The following CDPF1 variants were observed in gnomAD, a reference collection of about 807,000 sequenced individuals.
CDPF1 encodes cysteine rich DPF motif domain containing 1, also known as cysteine-rich DPF motif domain-containing protein 1.
A neutral mutation model predicts 8.3 loss-of-function variants in CDPF1; 8 were observed. The observed-to-expected ratio is 0.96, with a 90% CI of 0.57 to 1.74. The LOEUF is 1.74. Ranked by LOEUF, CDPF1 falls within the 40% of genes most tolerant of loss-of-function variation. CDPF1 has a pLI of 0.00. For synonymous variants in CDPF1, 62 were observed against 62.9 expected, an observed-to-expected ratio of 0.99 and a Z score of 0.07; for missense variants, 151 against 155.3, an observed-to-expected ratio of 0.97 and a Z score of 0.15.
Position 46,246,766 on chromosome 22 carries a change from C to G in CDPF1, c.225+344G>C. 2 of 1,601,186 alleles carry G rather than the reference C, an allele frequency of 1.2e-6. No homozygotes were observed. Among genetic ancestry groups the G allele is most frequent in the Non-Finnish European group, 8.5e-7 (1 of 1,174,458 alleles). On this transcript the variant is annotated intron_variant, in intron 3 of 3. Coordinates refer to ENST00000314567, the MANE Select transcript of CDPF1 (RefSeq NM_207327.5). The surrounding 1 kb of genome is among the most constrained non-coding windows in gnomAD (Gnocchi z 7.1). ...CAACAAGTGCTCATGAAAGGACAGT[C>G]CCTTCTCCTGGAGATCCCTCCAAGA... is the stretch of plus-strand genomic sequence containing the variant.
Position 46,247,928 on chromosome 22 carries a change from G to A in CDPF1, c.113+244C>T, listed in dbSNP as rs1266157385. Among the ~76,000 whole-genome samples, 1 of 152,232 alleles carries A rather than the reference G, an allele frequency of 6.6e-6. No homozygotes were observed. Among genetic ancestry groups the A allele is most frequent in the African/African-American group, 2.4e-5 (1 of 41,468 alleles). On this transcript the variant is annotated intron_variant, in intron 2 of 3. Coordinates refer to ENST00000314567, the MANE Select transcript of CDPF1 (RefSeq NM_207327.5). This position sits in a 1 kb window ranked among gnomAD's most constrained non-coding sequence, Gnocchi z 4.3. ...GGCCACCACAGGTCCCCCAGCTGCT[G>A]AGCTGCTCCCCCACAGCTAGAGCAG...
In CDPF1 at chr22:46,245,162, A is replaced by C. The variant is rs1351539170; in HGVS notation, c.302T>G (p.Ile101Ser). 6.2e-7 allele frequency: 1 copy of C among 1,614,228 alleles called. No individual in the cohort carries two copies. The highest frequency in any genetic ancestry group is 1.1e-5 in the South Asian group (1 of 91,090). Residue 101 changes from isoleucine (I) to serine (S), a missense_variant, in exon 4 of 4, where the codon ATT (isoleucine) becomes AGT (serine). Coordinates refer to ENST00000314567, the MANE Select transcript of CDPF1 (RefSeq NM_207327.5). The surrounding 1 kb of genome is among the most constrained non-coding windows in gnomAD (Gnocchi z 6.9). ...RENINAFPQE[I>S]RQDLEKRKAP... ...TTTCCTTTTCTCCAAGTCTTGCCGA[A>C]TTTCCTGAGGAAAAGCATTGATGTT...
rs758509215 is a variant in CDPF1 at position 46,249,077 on chromosome 22, G to T, written c.1-793C>A. ...TGCTTGTATGGAACCCCCTTCTCAT[G>T]TTCATGGTTGGGTCTTGGAGGCCTC... On this transcript the variant is annotated intron_variant, in intron 1 of 3. Transcript: ENST00000314567. The surrounding 1 kb of genome is among the most constrained non-coding windows in gnomAD (Gnocchi z 4.6). 4.3e-4 allele frequency among the ~76,000 whole-genome samples: 66 copies of T among 151,732 alleles called. No homozygotes were observed. The highest frequency in any genetic ancestry group is 8.2e-4 in the Non-Finnish European group (56 of 68,020).
chr22:46,247,678 G>C lies in CDPF1; in HGVS notation c.114-457C>G, dbSNP rs2147766668. 6.6e-6 allele frequency among the ~76,000 whole-genome samples: 1 copy of C among 152,266 alleles called. No individual in the cohort carries two copies. Among genetic ancestry groups the C allele is most frequent in the Non-Finnish European group, 1.5e-5 (1 of 68,024 alleles). ...GTGACATGATGACACTCAGGCTCCTGGTCAGCAGAGGGACGACAGCCAGAA... is the reference window on the plus strand; with the variant it reads ...GTGACATGATGACACTCAGGCTCCTCGTCAGCAGAGGGACGACAGCCAGAA... On this transcript the variant is annotated intron_variant, in intron 2 of 3. Coordinates refer to ENST00000314567, the MANE Select transcript of CDPF1 (RefSeq NM_207327.5). The surrounding 1 kb of genome is among the most constrained non-coding windows in gnomAD (Gnocchi z 4.3).
In CDPF1 at chr22:46,245,388, G is replaced by T; in HGVS notation, c.226-150C>A. 1 of 745,114 alleles carries T rather than the reference G, an allele frequency of 1.3e-6. No homozygotes were observed. Among genetic ancestry groups the T allele is most frequent in the Non-Finnish European group, 2.1e-6 (1 of 467,718 alleles). 46.2% of individuals were successfully genotyped at this position (745,114 alleles called of 1,614,324 possible). A position where few individuals can be genotyped will look rare whatever the true frequency, so the allele number is the denominator to read the frequency against. ...GGTGGCCAGAGCTAGACCAGCAAGA[G>T]GGAGAGCCAGGCCTGAGGGCCTGGC... On this transcript the variant is annotated intron_variant, in intron 3 of 3. Coordinates refer to ENST00000314567, the MANE Select transcript of CDPF1 (RefSeq NM_207327.5). This position sits in a 1 kb window ranked among gnomAD's most constrained non-coding sequence, Gnocchi z 6.9.
rs1000732227 is a variant in CDPF1 at position 46,245,595 on chromosome 22, G to C, written c.226-357C>G. On this transcript the variant is annotated intron_variant, in intron 3 of 3. Coordinates refer to ENST00000314567, the MANE Select transcript of CDPF1 (RefSeq NM_207327.5). The surrounding 1 kb of genome is among the most constrained non-coding windows in gnomAD (Gnocchi z 6.9). Reference sequence around the variant, plus strand: ...CCTCCCGTCCCAGCTATCGCAGCACGAACAGTGGCCACCTGGTGCTGGGAG... The same window carrying C: ...CCTCCCGTCCCAGCTATCGCAGCACCAACAGTGGCCACCTGGTGCTGGGAG... Among the ~76,000 whole-genome samples, 2 of 152,228 alleles carry C rather than the reference G, an allele frequency of 1.3e-5. No homozygotes were observed. The highest frequency in any genetic ancestry group is 2.9e-5 in the Non-Finnish European group (2 of 68,042).
In CDPF1 at chr22:46,248,016, C is replaced by A. The variant is rs1299647006; in HGVS notation, c.113+156G>T. Among the ~76,000 whole-genome samples the A allele has an allele frequency of 6.6e-6, 1 of 152,248 alleles. No individual in the cohort carries two copies. The highest frequency in any genetic ancestry group is 1.5e-5 in the Non-Finnish European group (1 of 68,046). On this transcript the variant is annotated intron_variant, in intron 2 of 3. Coordinates refer to ENST00000314567, the MANE Select transcript of CDPF1 (RefSeq NM_207327.5). This position sits in a 1 kb window ranked among gnomAD's most constrained non-coding sequence, Gnocchi z 4.1. ...GAAGAGTCAGACCTCAAGCCTTGCCCAGGCCTCCAGAGATTACACCAGAAG... is the reference window on the plus strand; with the variant it reads ...GAAGAGTCAGACCTCAAGCCTTGCCAAGGCCTCCAGAGATTACACCAGAAG...
rs750649927 is a variant in CDPF1, at chr22:46,248,190, G to A, written c.95C>T (p.Pro32Leu). 1 of 1,613,148 alleles carries A rather than the reference G, an allele frequency of 6.2e-7. No homozygotes were observed. The highest frequency in any genetic ancestry group is 8.5e-7 in the Non-Finnish European group (1 of 1,179,460). Residue 32 changes from proline to leucine, a missense_variant, in exon 2 of 4, where the codon CCC becomes CTC. By Grantham distance (98) the Pro-to-Leu change is moderately conservative. Coordinates refer to ENST00000314567, the MANE Select transcript of CDPF1 (RefSeq NM_207327.5). The surrounding 1 kb of genome is among the most constrained non-coding windows in gnomAD (Gnocchi z 4.1). The part of the protein sequence containing the change: ...APYSYVGQKP[P>L]NTQSMVLLEE... ...CACTCACACCATCGACTGGGTGTTGGGGGGCTTCTGTCCCACATAGCTGTA... is the reference window on the plus strand; with the variant it reads ...CACTCACACCATCGACTGGGTGTTGAGGGGCTTCTGTCCCACATAGCTGTA...
Position 46,245,064 on chromosome 22 carries a change from C to A in CDPF1, c.*28G>T, listed in dbSNP as rs1408965292. 1.9e-6 allele frequency: 3 copies of A among 1,611,766 alleles called. No homozygotes were observed. The highest frequency in any genetic ancestry group is 1.7e-4 in the Middle Eastern group (1 of 6,046). On this transcript the variant is annotated 3_prime_UTR_variant, in exon 4 of 4. Transcript: ENST00000314567. This position sits in a 1 kb window ranked among gnomAD's most constrained non-coding sequence, Gnocchi z 6.9. Reference sequence around the variant, plus strand: ...TGGCCCAGGAGCTCTGTGCAGGGTGCCGCCCGATGACCTAGCCCCAGTTGC... The same window carrying A: ...TGGCCCAGGAGCTCTGTGCAGGGTGACGCCCGATGACCTAGCCCCAGTTGC...
In CDPF1 at chr22:46,248,799, T is replaced by C. The variant is rs1936531484; in HGVS notation, c.1-515A>G. On this transcript the variant is annotated intron_variant, in intron 1 of 3. Coordinates refer to ENST00000314567, the MANE Select transcript of CDPF1 (RefSeq NM_207327.5). The surrounding 1 kb of genome is among the most constrained non-coding windows in gnomAD (Gnocchi z 4.1). ...ACTTTGGGAGGCCAAGGCAGGCGGATCACGAGGTCAGGAGATCGAGACCAT... is the reference window on the plus strand; with the variant it reads ...ACTTTGGGAGGCCAAGGCAGGCGGACCACGAGGTCAGGAGATCGAGACCAT... Among the ~76,000 whole-genome samples the C allele has an allele frequency of 6.6e-6, 1 of 152,170 alleles. No homozygotes were observed. The highest frequency in any genetic ancestry group is 1.5e-5 in the Non-Finnish European group (1 of 68,028).
Position 46,245,223 on chromosome 22 carries a change from A to G in CDPF1, c.241T>C (p.Tyr81His). Residue 81 changes from tyrosine to histidine, a missense_variant, in exon 4 of 4, where the codon TAC (tyrosine) becomes CAC (histidine). By Grantham distance (83) the Tyr-to-His change is moderately conservative (BLOSUM62 2). Transcript: ENST00000314567. This position sits in a 1 kb window ranked among gnomAD's most constrained non-coding sequence, Gnocchi z 6.9. ...CAAGGGAGGCAGAATCTCTTGGAGT[A>G]GAATAAACTGCATTCCTTAAAGAAG... ...VCVGPECSLF[Y>H]SKRFCLPCVR... 1 of 1,614,156 alleles carries G rather than the reference A, an allele frequency of 6.2e-7. No homozygotes were observed. The highest frequency in any genetic ancestry group is 8.5e-7 in the Non-Finnish European group (1 of 1,179,984).
rs558157510 is a variant in CDPF1 at position 46,244,813 on chromosome 22, C to A, written c.*279G>T. 83 of 423,628 alleles carry A rather than the reference C, an allele frequency of 2.0e-4. No individual in the cohort carries two copies. Among genetic ancestry groups the A allele is most frequent in the African/African-American group, 1.5e-3 (77 of 49,942 alleles). The allele number at this position is 423,628 out of a possible 1,614,324, so 26.2% of individuals were successfully genotyped here. On this transcript the variant is annotated 3_prime_UTR_variant, in exon 4 of 4. Coordinates refer to ENST00000314567, the MANE Select transcript of CDPF1 (RefSeq NM_207327.5). This position sits in a 1 kb window ranked among gnomAD's most constrained non-coding sequence, Gnocchi z 6.7. ...CCCTCTCAGTCACATCTGAGCAGCACTCACTCAGGCCTGGGCCCTGAGGGG... is the reference window on the plus strand; with the variant it reads ...CCCTCTCAGTCACATCTGAGCAGCAATCACTCAGGCCTGGGCCCTGAGGGG...
chr22:46,246,548 A>C lies in CDPF1; in HGVS notation c.225+562T>G. On this transcript the variant is annotated intron_variant, in intron 3 of 3. Coordinates refer to ENST00000314567, the MANE Select transcript of CDPF1 (RefSeq NM_207327.5). This position sits in a 1 kb window ranked among gnomAD's most constrained non-coding sequence, Gnocchi z 7.1. ...CTGAGTACACTGGGCACGCTGTGAA[A>C]GCCATGCTGCTCCACTTCCATCCGT... 8.2e-7 allele frequency: 1 copy of C among 1,215,010 alleles called. No individual in the cohort carries two copies. Among genetic ancestry groups the C allele is most frequent in the African/African-American group, 1.5e-5 (1 of 65,642 alleles). The allele number at this position is 1,215,010 out of a possible 1,614,324, so 75.3% of individuals were successfully genotyped here. A position where few individuals can be genotyped will look rare whatever the true frequency, so the allele number is the denominator to read the frequency against.
chr22:46,246,689 A>G lies in CDPF1; in HGVS notation c.225+421T>C, dbSNP rs752705463. The stretch of plus-strand genomic sequence containing the variant: ...CTGCTTTACCTGACTAAGGGGCAGG[A>G]CTGAATGAAGCCTCAGCAGTAAAAC... On this transcript the variant is annotated intron_variant, in intron 3 of 3. Transcript: ENST00000314567. This position sits in a 1 kb window ranked among gnomAD's most constrained non-coding sequence, Gnocchi z 7.1. 3.8e-6 allele frequency: 6 copies of G among 1,586,324 alleles called. No homozygotes were observed. In the Admixed American group the frequency reaches 1.1e-4, roughly 28 times the overall value.
In CDPF1 at chr22:46,249,841, C is replaced by T. The variant is rs1226573157; in HGVS notation, c.-1+415G>A. Among the ~76,000 whole-genome samples, 2 of 152,076 alleles carry T rather than the reference C, an allele frequency of 1.3e-5. No individual in the cohort carries two copies. Among genetic ancestry groups the T allele is most frequent in the African/African-American group, 4.8e-5 (2 of 41,418 alleles). ...CTGCATTCCAGCCTGGGCGACAGAGCGAGACTCTGTCTCAAAACAAAAGTT... is the reference window on the plus strand; with the variant it reads ...CTGCATTCCAGCCTGGGCGACAGAGTGAGACTCTGTCTCAAAACAAAAGTT... On this transcript the variant is annotated intron_variant, in intron 1 of 3. Transcript: ENST00000314567. The surrounding 1 kb of genome is among the most constrained non-coding windows in gnomAD (Gnocchi z 4.6).
chr22:46,246,526 A>T lies in CDPF1; in HGVS notation c.225+584T>A. ...CTTCTCAGACTCTGGGGTCACTCTG[A>T]GTACACTGGGCACGCTGTGAAAGCC... is the stretch of plus-strand genomic sequence containing the variant. On this transcript the variant is annotated intron_variant, in intron 3 of 3. Transcript: ENST00000314567. This position sits in a 1 kb window ranked among gnomAD's most constrained non-coding sequence, Gnocchi z 7.1. The T allele has an allele frequency of 1.0e-6, 1 of 963,060 alleles. No individual in the cohort carries two copies. Among genetic ancestry groups the T allele is most frequent in the Non-Finnish European group, 1.5e-6 (1 of 653,568 alleles). 59.7% of individuals were successfully genotyped at this position (963,060 alleles called of 1,614,324 possible). A position where few individuals can be genotyped will look rare whatever the true frequency, so the allele number is the denominator to read the frequency against.
rs1411743769 is a variant in CDPF1, at chr22:46,249,756, C to G, written c.-1+500G>C. 8.9e-5 allele frequency among the ~76,000 whole-genome samples: 1 copy of G among 11,212 alleles called. No homozygotes were observed. Among genetic ancestry groups the G allele is most frequent in the African/African-American group, 3.8e-4 (1 of 2,636 alleles). The allele number at this position is 11,212 out of a possible 152,430, so 7.4% of individuals were successfully genotyped here. ...GACTGAGGTAGGAGAATCGCTTGAGCGGGGGGTTGGGGAGCGGGGGCTGGG... is the reference window on the plus strand; with the variant it reads ...GACTGAGGTAGGAGAATCGCTTGAGGGGGGGGTTGGGGAGCGGGGGCTGGG... On this transcript the variant is annotated intron_variant, in intron 1 of 3. Coordinates refer to ENST00000314567, the MANE Select transcript of CDPF1 (RefSeq NM_207327.5). This position sits in a 1 kb window ranked among gnomAD's most constrained non-coding sequence, Gnocchi z 4.6.
rs764498369 is a variant in CDPF1 at position 46,244,911 on chromosome 22, C to T, written c.*181G>A. The T allele has an allele frequency of 6.9e-6, 5 of 719,810 alleles. No homozygotes were observed. Among genetic ancestry groups the T allele is most frequent in the Admixed American group, 6.0e-5 (2 of 33,448 alleles). The allele number at this position is 719,810 out of a possible 1,614,324, so 44.6% of individuals were successfully genotyped here. A position where few individuals can be genotyped will look rare whatever the true frequency, so the allele number is the denominator to read the frequency against. On this transcript the variant is annotated 3_prime_UTR_variant, in exon 4 of 4. Coordinates refer to ENST00000314567, the MANE Select transcript of CDPF1 (RefSeq NM_207327.5). The surrounding 1 kb of genome is among the most constrained non-coding windows in gnomAD (Gnocchi z 6.7). ...CTGCCTTTGGACTACCCTCTTGCTA[C>T]AGCTCCCTGGGCCTGTGGCTGCTCC...
In CDPF1 at chr22:46,247,288, T is replaced by A; in HGVS notation, c.114-67A>T. 1 of 1,095,862 alleles carries A rather than the reference T, an allele frequency of 9.1e-7. No individual in the cohort carries two copies. The highest frequency in any genetic ancestry group is 1.4e-6 in the Non-Finnish European group (1 of 727,130). 67.9% of individuals were successfully genotyped at this position (1,095,862 alleles called of 1,614,324 possible). The stretch of plus-strand genomic sequence containing the variant: ...TGCCGTCGGAAAATCAGCCATGACC[T>A]ATGGCCAGGCAGCAGCAGCCTGCAC... On this transcript the variant is annotated intron_variant, in intron 2 of 3. Transcript: ENST00000314567. This position sits in a 1 kb window ranked among gnomAD's most constrained non-coding sequence, Gnocchi z 4.3.
Sources: gnomAD v4.1 joint callset for allele counts (sites outside exome capture counted in the v4.1 genomes callset) on GRCh38, gnomAD v4.1.1 for gene constraint, Gnocchi (gnomAD v3.1) non-coding constraint, MANE v1.5 for transcripts, NCBI Gene and HGNC (gene_info 2026-07-23, HGNC 2026-07-21) for gene names.